The following PIEZO2 variants were observed in gnomAD, a reference collection of about 807,000 sequenced individuals.
PIEZO2 encodes piezo-type mechanosensitive ion channel component 2.
Under a neutral mutation model 337.3 loss-of-function variants are expected in PIEZO2, and 172 were observed. That is an observed-to-expected ratio of 0.51 (90% CI 0.45 to 0.58). The LOEUF (loss-of-function observed/expected upper bound fraction) is 0.58, where lower values mean the gene tolerates loss of function less well. Among genes scored for constraint, PIEZO2 ranks in the 20% least tolerant of loss-of-function variants. The pLI, the probability that PIEZO2 is intolerant of heterozygous loss-of-function variation, is 0.00. For synonymous variants in PIEZO2, 1,251 were observed against 1,228.5 expected (o/e 1.02, Z -0.38); for missense variants, 3,028 against 3,391.3 (o/e 0.89, Z 2.66).
intron 45 of PIEZO2, 23 bp from the exon 46 acceptor site, chr18:10,696,562 C>T: frequency 3.7e-6 from 6 of 1,612,086 alleles, no homozygotes; most frequent in Non-Finnish European, 3.4e-6. Context: ...GACCCCCACC[C>T]CCAACCCACT....
At chr18:10,703,939 G>A (rs912743669) in intron 42 of PIEZO2, among the ~76,000 whole-genome samples, 8 of 152,234 alleles carry the variant, frequency 5.3e-5, no homozygotes, top group South Asian at 2.1e-4. Flanking sequence ...CCAAAGTGCC[G>A]GACTGTATGA....
rs1027712059 is a variant in PIEZO2 at position 10,899,335 on chromosome 18, C to G, written c.329+11851G>C. 2.0e-5 allele frequency among the ~76,000 whole-genome samples: 3 copies of G among 152,096 alleles called. No homozygotes were observed. Among genetic ancestry groups the G allele is most frequent in the Admixed American group, 2.0e-4 (3 of 15,270 alleles). On this transcript the variant is annotated intron_variant, in intron 4 of 55. Coordinates refer to ENST00000674853, the MANE Select transcript of PIEZO2 (RefSeq NM_001378183.1). This position sits in a 1 kb window ranked among gnomAD's most constrained non-coding sequence, Gnocchi z 4.6. ...GAGGTATATCAGGAAAATGAAGAATCAGGAAGAAACTGTTTTCACTTTATC... is the reference window on the plus strand; with the variant it reads ...GAGGTATATCAGGAAAATGAAGAATGAGGAAGAAACTGTTTTCACTTTATC...
At chr18:10,686,071 C>T (rs1331848445) in intron 49 of PIEZO2, among the ~76,000 whole-genome samples, 22 of 152,176 alleles carry the variant, frequency 1.4e-4, no homozygotes, top group Admixed American at 1.4e-3. Flanking sequence ...AAACACTCCC[C>T]ATTTTGAAAT....
intron 2 of PIEZO2, among the ~76,000 whole-genome samples, chr18:11,030,670 G>C (rs1434356740): frequency 6.6e-6 from 1 of 152,136 alleles, no homozygotes; most frequent in Non-Finnish European, 1.5e-5. Context: ...TATATGACAA[G>C]GACCCCAGGC....
rs997604088 is a variant in PIEZO2, at chr18:10,988,279, G to A, written c.161-8619C>T. 2.6e-5 allele frequency among the ~76,000 whole-genome samples: 4 copies of A among 152,118 alleles called. No homozygotes were observed. The highest frequency in any genetic ancestry group is 9.7e-5 in the African/African-American group (4 of 41,428). ...GGTCTCACCAGACACCAAAGCTGAA[G>A]GCATGCTGATTTTGGACTTCCCACC... On this transcript the variant is annotated intron_variant, in intron 2 of 55. Coordinates refer to ENST00000674853, the MANE Select transcript of PIEZO2 (RefSeq NM_001378183.1). The surrounding 1 kb of genome is among the most constrained non-coding windows in gnomAD (Gnocchi z 4.8).
intron 7 of PIEZO2, among the ~76,000 whole-genome samples, chr18:10,851,009 C>G (rs1413702134): frequency 6.6e-6 from 1 of 152,040 alleles, no homozygotes; most frequent in Non-Finnish European, 1.5e-5. Context: ...TTAAGGGCAG[C>G]TTTATCTATC....
Position 11,105,919 on chromosome 18 carries a change from G to C in PIEZO2, c.65-39697C>G, listed in dbSNP as rs1260813715. On this transcript the variant is annotated intron_variant, in intron 1 of 55. Transcript: ENST00000674853. The surrounding 1 kb of genome is among the most constrained non-coding windows in gnomAD (Gnocchi z 4.3). ...CTGTAGGGTTATCTGACTGATTTAG[G>C]TCATTCCAAGGGTTTCTCTGTTTAT... 1.3e-5 allele frequency among the ~76,000 whole-genome samples: 2 copies of C among 152,180 alleles called. No homozygotes were observed. The highest frequency in any genetic ancestry group is 3.9e-4 in the East Asian group (2 of 5,154).
In PIEZO2 at chr18:10,945,202, C is replaced by T. The variant is rs1416086442; in HGVS notation, c.287-33974G>A. Among the ~76,000 whole-genome samples the T allele has an allele frequency of 6.6e-6, 1 of 152,124 alleles. No individual in the cohort carries two copies. The highest frequency in any genetic ancestry group is 1.5e-5 in the Non-Finnish European group (1 of 68,014). ...ATTTTTAGGTGTTATTTTTTAGAGA[C>T]AAGATGTCTCTCTGTCACTCAGGCT... On this transcript the variant is annotated intron_variant, in intron 3 of 55. Coordinates refer to ENST00000674853, the MANE Select transcript of PIEZO2 (RefSeq NM_001378183.1). The surrounding 1 kb of genome is among the most constrained non-coding windows in gnomAD (Gnocchi z 4.0).
chr18:10,995,405 C>T (rs1395607), intron 2 of PIEZO2, among the ~76,000 whole-genome samples: 77,057 of 151,726 alleles, frequency 0.51, 19,827 homozygotes, highest in African/African-American at 0.57. Context: ...TGAAGATTTT[C>T]TCCTACTCTG....
intron 3 of PIEZO2, among the ~76,000 whole-genome samples, chr18:10,944,083 G>C (rs2032873145): frequency 6.6e-6 from 1 of 152,130 alleles, no homozygotes; most frequent in South Asian, 2.1e-4. Flanking sequence ...GTATTTATCA[G>C]CAGCATGAAG....
At chr18:11,042,083 G>T (rs1249397352) in intron 2 of PIEZO2, among the ~76,000 whole-genome samples, 1 of 152,138 alleles carries the variant, frequency 6.6e-6, no homozygotes, top group East Asian at 1.9e-4. Flanking sequence ...GCAGTGTTCT[G>T]GGGAGAGACA....
chr18:11,137,404 G>A (rs1245512989), intron 1 of PIEZO2, among the ~76,000 whole-genome samples: 2 of 152,110 alleles, frequency 1.3e-5, no homozygotes, highest in African/African-American at 4.8e-5. Flanking sequence ...TATTAAAAAA[G>A]GCATGTGCAG....
intron 23 of PIEZO2, among the ~76,000 whole-genome samples, chr18:10,761,416 A>T (rs1286185576): frequency 6.6e-6 from 1 of 152,196 alleles, no homozygotes; most frequent in African/African-American, 2.4e-5. Context: ...TTATCCAAGG[A>T]GGGCAGTTCA....
chr18:11,140,116 C>T lies in PIEZO2; in HGVS notation c.64+8409G>A, dbSNP rs150689240. Among the ~76,000 whole-genome samples, 592 of 152,304 alleles carry T rather than the reference C, an allele frequency of 3.9e-3. 3 individuals carry two copies. Among genetic ancestry groups the T allele is most frequent in the African/African-American group, 0.013 (546 of 41,558 alleles). ...CAGCAGCTTCCACTGCAATCTCTGA[C>T]CTGCAGAGAAGAGCAGCCCCAGAGC... On this transcript the variant is annotated intron_variant, in intron 1 of 55. Transcript: ENST00000674853.
chr18:10,733,378 A>G (rs2036862452), intron 35 of PIEZO2, among the ~76,000 whole-genome samples: 1 of 152,166 alleles, frequency 6.6e-6, no homozygotes, highest in African/African-American at 2.4e-5. Flanking sequence ...AACGTTGACA[A>G]TGAAGAGGAG....
chr18:10,857,738 G>A (rs777610144), intron 5 of PIEZO2, among the ~76,000 whole-genome samples: 3 of 152,202 alleles, frequency 2.0e-5, no homozygotes, highest in Non-Finnish European at 2.9e-5. Context: ...GCTAAATATA[G>A]AGCTGCTTCC....
intron 2 of PIEZO2, among the ~76,000 whole-genome samples, chr18:10,997,615 A>T (rs534485522): frequency 2.6e-5 from 4 of 152,328 alleles, no homozygotes; most frequent in African/African-American, 9.6e-5. Flanking sequence ...AAAAAATACA[A>T]CACTGTATCT....
chr18:10,794,693 A>C lies in PIEZO2; in HGVS notation c.1758+79T>G. On this transcript the variant is annotated intron_variant, in intron 13 of 55. Transcript: ENST00000674853. This position sits in a 1 kb window ranked among gnomAD's most constrained non-coding sequence, Gnocchi z 6.6. ...TGAATATTTGGAACCTGTTTTTATA[A>C]GGTTTCTCTTGGATACGATTATGAT... 9.0e-7 allele frequency: 1 copy of C among 1,115,338 alleles called. No homozygotes were observed. The highest frequency in any genetic ancestry group is 1.2e-6 in the Non-Finnish European group (1 of 805,652). 69.1% of individuals were successfully genotyped at this position (1,115,338 alleles called of 1,614,324 possible).
chr18:11,040,518 T>G (rs1264046060), intron 2 of PIEZO2, among the ~76,000 whole-genome samples: 1 of 152,206 alleles, frequency 6.6e-6, no homozygotes, highest in Non-Finnish European at 1.5e-5. Flanking sequence ...TTGTTGCTGT[T>G]TTTGAACAAT....
Sources: allele counts gnomAD v4.1 joint callset (sites outside exome capture counted in the v4.1 genomes callset), GRCh38; gene constraint gnomAD v4.1.1; non-coding constraint Gnocchi (gnomAD v3.1); transcripts MANE v1.5; gene names NCBI Gene and HGNC (gene_info 2026-07-23, HGNC 2026-07-21).